PTPRQ: variants seen among roughly 807,000 people sequenced by gnomAD.
PTPRQ encodes protein tyrosine phosphatase receptor type Q.
In PTPRQ, 199 loss-of-function variants were observed where a neutral mutation model predicts 246.0. The observed-to-expected ratio is 0.81, with a 90% CI of 0.72 to 0.91. The LOEUF (loss-of-function observed/expected upper bound fraction) is 0.91, where lower values mean the gene tolerates loss of function less well. Among genes scored for constraint, PTPRQ ranks in the 40% least tolerant of loss-of-function variants. The pLI is 0.00. For missense variants in PTPRQ, 2,624 were observed against 2,528.4 expected (o/e 1.04, Z -0.81); for synonymous variants, 869 against 853.2 (o/e 1.02, Z -0.32).
intron 39 of PTPRQ, among the ~76,000 whole-genome samples, chr12:80,667,618 G>T (rs1214078787): frequency 6.6e-6 from 1 of 151,856 alleles, no homozygotes; most frequent in Non-Finnish European, 1.5e-5. Context: ...CTAAAATAGT[G>T]CCTGGAATGT....
intron 12 of PTPRQ, among the ~76,000 whole-genome samples, chr12:80,495,749 A>G (rs1894597447): frequency 6.6e-6 from 1 of 152,026 alleles, no homozygotes; most frequent in Non-Finnish European, 1.5e-5. Flanking sequence ...TCAACTATAC[A>G]CCCTGCAGTG....
At chr12:80,594,619 G>C (rs1897908411) in intron 26 of PTPRQ, among the ~76,000 whole-genome samples, 1 of 151,948 alleles carries the variant, frequency 6.6e-6, no homozygotes, top group Non-Finnish European at 1.5e-5. Flanking sequence ...TTTCCTTTCT[G>C]TGTGTTCCGT....
Position 80,679,288 on chromosome 12 carries a change from T to C in PTPRQ, c.*265T>C. 1 of 304,152 alleles carries C rather than the reference T, an allele frequency of 3.3e-6. No homozygotes were observed. Among genetic ancestry groups the C allele is most frequent in the Non-Finnish European group, 5.9e-6 (1 of 168,760 alleles). 18.8% of individuals were successfully genotyped at this position (304,152 alleles called of 1,614,324 possible). Reference sequence around the variant, plus strand: ...CCATATGTTTTTGAAGTCCTCCATATTTTGGAATAAGCCAAATAGAAAATT... The same window carrying C: ...CCATATGTTTTTGAAGTCCTCCATACTTTGGAATAAGCCAAATAGAAAATT... On this transcript the variant is annotated 3_prime_UTR_variant, in exon 45 of 45. Transcript: ENST00000644991.
chr12:80,506,513 C>A, intron 15 of PTPRQ, 56 bp from the exon 16 acceptor site: 1 of 1,334,574 alleles, frequency 7.5e-7, no homozygotes, highest in Non-Finnish European at 1.0e-6. Flanking sequence ...TTGCCTCTTG[C>A]ATATTATTAA....
At chr12:80,637,752 T>C (rs1229977699) in intron 35 of PTPRQ, among the ~76,000 whole-genome samples, 1 of 152,224 alleles carries the variant, frequency 6.6e-6, no homozygotes, top group East Asian at 1.9e-4. Flanking sequence ...ATTAGCTGCA[T>C]GTACATATGA....
intron 17 of PTPRQ, among the ~76,000 whole-genome samples, chr12:80,513,888 C>A (rs1393326467): frequency 6.6e-6 from 1 of 152,130 alleles, no homozygotes; most frequent in Non-Finnish European, 1.5e-5. Context: ...TTCTCTGCAC[C>A]AATCTACAGT....
rs151306522 is a variant in PTPRQ, at chr12:80,585,082, C to CT, written c.4286-3046dup. Among the ~76,000 whole-genome samples the CT allele has an allele frequency of 6.1e-3, 933 of 151,794 alleles. 13 individuals are homozygous for CT. The highest frequency in any genetic ancestry group is 0.021 in the African/African-American group (854 of 41,370). The stretch of plus-strand genomic sequence containing the variant: ...TTTTAACTGAAGTCCAGACCTCTCT[C>CT]TACAGAATCCAGACTCAAGCTTCTA... On this transcript the variant is annotated intron_variant, in intron 25 of 44. Transcript: ENST00000644991.
At chr12:80,550,227 C>A (rs900360323) in intron 25 of PTPRQ, among the ~76,000 whole-genome samples, 1 of 152,036 alleles carries the variant, frequency 6.6e-6, no homozygotes, top group African/African-American at 2.4e-5. Context: ...GTCCACAAGA[C>A]GAAATTCTCA....
intron 26 of PTPRQ, among the ~76,000 whole-genome samples, chr12:80,592,473 TG>T (rs896300879): frequency 2.0e-5 from 3 of 152,106 alleles, no homozygotes; most frequent in Non-Finnish European, 4.4e-5. Flanking sequence ...TGAGATTATA[TG>T]GGGAACTGCA....
intron 19 of PTPRQ, among the ~76,000 whole-genome samples, chr12:80,539,464 G>A (rs1896083878): frequency 6.6e-6 from 1 of 152,114 alleles, no homozygotes; most frequent in African/African-American, 2.4e-5. Flanking sequence ...TATAAGGAAA[G>A]TGATGCTGAT....
intron 25 of PTPRQ, among the ~76,000 whole-genome samples, chr12:80,564,124 G>T (rs896536630): frequency 6.6e-6 from 1 of 151,774 alleles, no homozygotes; most frequent in African/African-American, 2.4e-5. Context: ...TAAGTTTTAG[G>T]GTACACGTGC....
intron 25 of PTPRQ, among the ~76,000 whole-genome samples, chr12:80,569,515 T>A (rs1030223745): frequency 2.6e-5 from 4 of 151,490 alleles, no homozygotes; most frequent in Admixed American, 2.6e-4. Context: ...ATTGTGCACA[T>A]GTACCCTAAA....
intron 27 of PTPRQ, among the ~76,000 whole-genome samples, chr12:80,607,431 T>TTTCCTTCCTTCCTTCCTTCCTTCCTTCC (rs57625204): frequency 0.015 from 2,145 of 139,336 alleles, 87 homozygotes; most frequent in African/African-American, 0.054. Context: ...AGTAGAGGTA[T>TTTCCTTCCTTCCTTCCTTCCTTCCTTCC]TTCCTTCCTT....
chr12:80,632,798 G>A (rs932412355), intron 34 of PTPRQ, among the ~76,000 whole-genome samples: 2 of 152,126 alleles, frequency 1.3e-5, no homozygotes, highest in Admixed American at 6.5e-5. Flanking sequence ...GAAGCTACCC[G>A]TCATTATTAG....
chr12:80,590,273 A>T lies in PTPRQ; in HGVS notation c.4609+1821A>T, dbSNP rs75406360. The stretch of plus-strand genomic sequence containing the variant: ...TTTGCATTACTATTACATTAGTACA[A>T]CTCTTCATTACTGCTCCCACAGCAC... On this transcript the variant is annotated intron_variant, in intron 26 of 44. Coordinates refer to ENST00000644991, the MANE Select transcript of PTPRQ (RefSeq NM_001145026.2). 4.5e-3 allele frequency among the ~76,000 whole-genome samples: 683 copies of T among 152,144 alleles called. 4 individuals carry two copies. Among genetic ancestry groups the T allele is most frequent in the African/African-American group, 0.015 (625 of 41,492 alleles).
chr12:80,500,938 G>C (rs1894780744), intron 14 of PTPRQ, among the ~76,000 whole-genome samples: 1 of 151,894 alleles, frequency 6.6e-6, no homozygotes, highest in Non-Finnish European at 1.5e-5. Context: ...GTAGTGAGTG[G>C]GCTATTTGAG....
In PTPRQ at chr12:80,472,163, A is replaced by G; in HGVS notation, c.1098A>G (p.Pro366=). The part of the protein sequence containing the change: ...DLKFAFTNLT[P]FTMYDVYIAA... ...AGTTTGCATTCACTAACCTAACACC[A>G]TTTACAATGTATGATGTCTATATTG... The change falls in exon 8 of 45, where the codon CCA becomes CCG. Residue 366 remains proline, a synonymous_variant. Transcript: ENST00000644991. The G allele has an allele frequency of 1.9e-6, 3 of 1,551,610 alleles. No individual in the cohort carries two copies. Among genetic ancestry groups the G allele is most frequent in the Non-Finnish European group, 1.7e-6 (2 of 1,146,956 alleles).
intron 34 of PTPRQ, among the ~76,000 whole-genome samples, chr12:80,633,859 T>C (rs1279169894): frequency 6.6e-6 from 1 of 152,192 alleles, no homozygotes; most frequent in Non-Finnish European, 1.5e-5. Flanking sequence ...TTCTCATTTC[T>C]CTACAAGATG....
chr12:80,450,544 T>TA (rs1427669267), intron 3 of PTPRQ, among the ~76,000 whole-genome samples: 1 of 152,038 alleles, frequency 6.6e-6, no homozygotes, highest in Non-Finnish European at 1.5e-5. Flanking sequence ...TATTTTGAGA[T>TA]ACGTCCCATC....
Sources: gnomAD v4.1 joint callset for allele counts (sites outside exome capture counted in the v4.1 genomes callset) on GRCh38, gnomAD v4.1.1 for gene constraint, MANE v1.5 for transcripts, NCBI Gene and HGNC (gene_info 2026-07-23, HGNC 2026-07-21) for gene names.